PDE1B: variants seen among roughly 807,000 people sequenced by gnomAD.
PDE1B encodes dual specificity calcium/calmodulin-dependent 3',5'-cyclic nucleotide phosphodiesterase 1B.
In PDE1B, 13 loss-of-function variants were observed where a neutral mutation model predicts 66.7. The observed-to-expected ratio is 0.19, with a 90% CI of 0.13 to 0.31. PDE1B has a LOEUF of 0.31. Ranked by LOEUF, PDE1B falls within the 10% of genes least tolerant of loss-of-function variation. PDE1B has a pLI of 1.00. For synonymous variants in PDE1B, 230 were observed against 253.9 expected, an observed-to-expected ratio of 0.91 and a Z score of 0.90; for missense variants, 485 against 682.3, an observed-to-expected ratio of 0.71 and a Z score of 3.22.
Position 54,569,217 on chromosome 12 carries a change from G to A in PDE1B, c.261G>A (p.Glu87=). The change falls in exon 4 of 16, where the codon GAG becomes GAA. Residue 87 remains glutamate (E), a synonymous_variant. Coordinates refer to ENST00000243052, the MANE Select transcript of PDE1B (RefSeq NM_000924.4). The surrounding 1 kb of genome is among the most constrained non-coding windows in gnomAD (Gnocchi z 4.4). ...TGGACACGGAGGACGAGCTGCAGGAGCTGCGGTCAGATGCCGTGCCTTCGG... is the reference window on the plus strand; with the variant it reads ...TGGACACGGAGGACGAGCTGCAGGAACTGCGGTCAGATGCCGTGCCTTCGG... ...QILDTEDELQ[E]LRSDAVPSEV... is the part of the protein sequence containing the mutation. The A allele has an allele frequency of 6.2e-7, 1 of 1,611,598 alleles. No individual in the cohort carries two copies. Among genetic ancestry groups the A allele is most frequent in the Admixed American group, 1.7e-5 (1 of 59,820 alleles).
In PDE1B at chr12:54,575,128, G is replaced by A. The variant is rs1957709217; in HGVS notation, c.1095G>A (p.Leu365=). 1 of 1,613,848 alleles carries A rather than the reference G, an allele frequency of 6.2e-7. No homozygotes were observed. The highest frequency in any genetic ancestry group is 8.5e-7 in the Non-Finnish European group (1 of 1,179,822). The change falls in exon 11 of 16, where the codon CTG becomes CTA. Residue 365 remains leucine, a synonymous_variant. Transcript: ENST00000243052. The surrounding 1 kb of genome is among the most constrained non-coding windows in gnomAD (Gnocchi z 4.0). ...RIDKPKALSL[L]LHAADISHPT... is the part of the protein sequence containing the mutation. ...ACAAGCCCAAGGCCCTGTCTCTACTGCTCCATGCTGCTGACATCAGCCACC... is the reference window on the plus strand; with the variant it reads ...ACAAGCCCAAGGCCCTGTCTCTACTACTCCATGCTGCTGACATCAGCCACC...
At chr12:54,554,708 G>A (rs1055714766) in intron 2 of PDE1B, among the ~76,000 whole-genome samples, 2 of 152,186 alleles carry the variant, frequency 1.3e-5, no homozygotes, top group Admixed American at 6.5e-5. Flanking sequence ...GGTAGTGGAA[G>A]GGCATGGGGA....
Position 54,569,434 on chromosome 12 carries a change from C to T in PDE1B, c.410+68C>T. 1 of 1,588,196 alleles carries T rather than the reference C, an allele frequency of 6.3e-7. No homozygotes were observed. The highest frequency in any genetic ancestry group is 1.7e-5 in the Admixed American group (1 of 58,608). ...GCCCCTCTTTCCCAGCCACCCTGGT[C>T]TTCCATGACCACCAGCCATATGATC... On this transcript the variant is annotated intron_variant, in intron 4 of 15. Transcript: ENST00000243052. This position sits in a 1 kb window ranked among gnomAD's most constrained non-coding sequence, Gnocchi z 4.4.
chr12:54,577,101 A>T, intron 14 of PDE1B, 124 bp from the exon 15 acceptor site: 1 of 845,152 alleles, frequency 1.2e-6, no homozygotes, highest in Non-Finnish European at 1.9e-6. Context: ...GGATGGGTTG[A>T]ATGTAGTTCA....
chr12:54,571,533 G>A (rs557255311), intron 6 of PDE1B: 1 of 152,350 alleles, frequency 6.6e-6, no homozygotes, highest in African/African-American at 2.4e-5. Flanking sequence ...GCTGTTTTGG[G>A]TTAGGTTTGG....
intron 2 of PDE1B, among the ~76,000 whole-genome samples, chr12:54,565,298 A>C (rs1226469891): frequency 3.3e-5 from 5 of 152,150 alleles, no homozygotes; most frequent in Non-Finnish European, 1.5e-5. Context: ...TTTGGGTTTT[A>C]TGTCACCAGA....
Position 54,573,323 on chromosome 12 carries a change from G to C in PDE1B, c.837-32G>C. On this transcript the variant is annotated intron_variant, in intron 8 of 15. Coordinates refer to ENST00000243052, the MANE Select transcript of PDE1B (RefSeq NM_000924.4). This position sits in a 1 kb window ranked among gnomAD's most constrained non-coding sequence, Gnocchi z 5.2. ...GAGGTTGCCGGAGTCCCTCCTTACA[G>C]GGGGTGGTCATGATGACCTTTGGCT... is the stretch of plus-strand genomic sequence containing the variant. 1 of 1,614,092 alleles carries C rather than the reference G, an allele frequency of 6.2e-7. No homozygotes were observed. The highest frequency in any genetic ancestry group is 8.5e-7 in the Non-Finnish European group (1 of 1,179,960).
chr12:54,568,710 C>T (rs893450785), intron 3 of PDE1B, among the ~76,000 whole-genome samples: 9 of 151,896 alleles, frequency 5.9e-5, no homozygotes, highest in African/African-American at 1.5e-4. Context: ...GCAGGAGAAT[C>T]GCTCGAACCC....
intron 2 of PDE1B, among the ~76,000 whole-genome samples, chr12:54,563,889 G>A (rs1343123400): frequency 4.6e-5 from 7 of 152,116 alleles, no homozygotes; most frequent in Admixed American, 4.6e-4. Context: ...GCTCACACCT[G>A]TAATGCTAAC....
At position 54,549,638 on chromosome 12, in the gene PDE1B, G is replaced by A. The variant is rs966233765; in HGVS notation, c.-148G>A. The A allele has an allele frequency of 1.7e-5, 8 of 475,274 alleles. No homozygotes were observed. The highest frequency in any genetic ancestry group is 1.9e-5 in the Non-Finnish European group (5 of 269,896). The allele number at this position is 475,274 out of a possible 1,614,324, so 29.4% of individuals were successfully genotyped here. A position where few individuals can be genotyped will look rare whatever the true frequency, so the allele number is the denominator to read the frequency against. On this transcript the variant is annotated 5_prime_UTR_variant, in exon 1 of 16. Coordinates refer to ENST00000243052, the MANE Select transcript of PDE1B (RefSeq NM_000924.4). Reference sequence around the variant, plus strand: ...CGGCGGCGGTAGCGGCAGCAGCAGCGGCGGTGCGGAGAGCTTGGACTGGGA... The same window carrying A: ...CGGCGGCGGTAGCGGCAGCAGCAGCAGCGGTGCGGAGAGCTTGGACTGGGA...
intron 2 of PDE1B, among the ~76,000 whole-genome samples, chr12:54,565,198 T>C (rs1167188439): frequency 6.6e-6 from 1 of 152,140 alleles, no homozygotes; most frequent in Non-Finnish European, 1.5e-5. Context: ...GGGGAAAGTT[T>C]TGTAAAAAGG....
At chr12:54,577,119 G>A (rs901602241) in intron 14 of PDE1B, 106 bp from the exon 15 acceptor site, 5 of 964,378 alleles carry the variant, frequency 5.2e-6, no homozygotes, top group Non-Finnish European at 6.4e-6. Context: ...TCAGCTTGAA[G>A]GCAGGTTGAT....
intron 2 of PDE1B, among the ~76,000 whole-genome samples, chr12:54,563,967 A>T (rs181579912): frequency 1.5e-3 from 234 of 152,230 alleles, no homozygotes; most frequent in African/African-American, 5.4e-3. Flanking sequence ...AGCTATGATC[A>T]TGCCACTTCT....
chr12:54,568,289 C>A (rs912620966), intron 3 of PDE1B, among the ~76,000 whole-genome samples: 1 of 151,880 alleles, frequency 6.6e-6, no homozygotes, highest in Non-Finnish European at 1.5e-5. Flanking sequence ...CATGATGAAA[C>A]CCTGTCTCTA....
intron 6 of PDE1B, 68 bp downstream of exon 6, chr12:54,570,425 C>T: frequency 2.2e-6 from 2 of 906,830 alleles, no homozygotes; most frequent in Admixed American, 1.7e-5. Flanking sequence ...TTCTAAAAGC[C>T]TCCCAACAAA....
chr12:54,557,818 A>G (rs1045027851), intron 2 of PDE1B, among the ~76,000 whole-genome samples: 1 of 152,138 alleles, frequency 6.6e-6, no homozygotes, highest in Non-Finnish European at 1.5e-5. Context: ...CAAATGGTGT[A>G]GGGAGGGAGA....
intron 2 of PDE1B, among the ~76,000 whole-genome samples, chr12:54,564,490 C>T (rs879605003): frequency 3.3e-5 from 5 of 151,964 alleles, no homozygotes; most frequent in East Asian, 1.9e-4. Context: ...AAAAATTAGC[C>T]GGGCATGGTA....
At chr12:54,568,668 C>T (rs1275673228) in intron 3 of PDE1B, among the ~76,000 whole-genome samples, 1 of 152,038 alleles carries the variant, frequency 6.6e-6, no homozygotes, top group African/African-American at 2.4e-5. Flanking sequence ...TGGTGGTAGG[C>T]ACCTGTAATC....
chr12:54,565,608 G>T (rs1213949809), intron 2 of PDE1B, among the ~76,000 whole-genome samples: 2 of 152,220 alleles, frequency 1.3e-5, no homozygotes, highest in African/African-American at 4.8e-5. Context: ...AAGGCTGAAA[G>T]TGAGATTTGA....
Sources: gnomAD v4.1 joint callset for allele counts (sites outside exome capture counted in the v4.1 genomes callset) on GRCh38, gnomAD v4.1.1 for gene constraint, Gnocchi (gnomAD v3.1) non-coding constraint, MANE v1.5 for transcripts, NCBI Gene and HGNC (gene_info 2026-07-23, HGNC 2026-07-21) for gene names.